Variants in CSAD observed in about 807,000 individuals in gnomAD.
CSAD encodes P-selectin cytoplasmic tail-associated protein.
CSAD carries 47 observed loss-of-function variants against 61.5 expected under a neutral mutation model. The observed-to-expected ratio is 0.76, with a 90% CI of 0.60 to 0.97. CSAD has a LOEUF of 0.97. Among genes scored for constraint, CSAD ranks in the 50% least tolerant of loss-of-function variants. The pLI, the probability that CSAD is intolerant of heterozygous loss-of-function variation, is 0.00. For synonymous variants in CSAD, 245 were observed against 252.7 expected, an observed-to-expected ratio of 0.97 and a Z score of 0.29; for missense variants, 611 against 643.6, an observed-to-expected ratio of 0.95 and a Z score of 0.55.
chr12:53,177,612 T>C (rs1373367501), intron 2 of CSAD, among the ~76,000 whole-genome samples: 1 of 152,080 alleles, frequency 6.6e-6, no homozygotes, highest in Non-Finnish European at 1.5e-5. Flanking sequence ...CAACAAAGCG[T>C]GGAGACCCAT....
chr12:53,160,362 C>CG, intron 13 of CSAD, 43 bp from the exon 14 acceptor site: 1 of 1,587,740 alleles, frequency 6.3e-7, no homozygotes, highest in Non-Finnish European at 8.6e-7. Flanking sequence ...CCCTCTCCAC[C>CG]GAGGCTTTCC....
chr12:53,176,817 C>T (rs1413511196), intron 2 of CSAD, among the ~76,000 whole-genome samples: 1 of 152,172 alleles, frequency 6.6e-6, no homozygotes, highest in Admixed American at 6.5e-5. Flanking sequence ...ACTGCAGCTT[C>T]GAACTCTTGG....
rs1220042996 is a variant in CSAD, at chr12:53,174,030, C to T, written c.-49-260G>A. 1.3e-5 allele frequency: 6 copies of T among 456,172 alleles called. No homozygotes were observed. The East Asian group carries it at 1.7e-4, about 13-fold the overall frequency. 28.3% of individuals were successfully genotyped at this position (456,172 alleles called of 1,614,324 possible). A position where few individuals can be genotyped will look rare whatever the true frequency, so the allele number is the denominator to read the frequency against. On this transcript the variant is annotated intron_variant, in intron 2 of 16. Transcript: ENST00000444623. ...TGTAAAACGGGTCATACAGGCCAGG[C>T]GCAGTGGGTCACGCCTGTAATCCCA...
At chr12:53,173,323 G>A (rs1271882330) in intron 4 of CSAD, 22 bp downstream of exon 4, 1 of 1,600,928 alleles carries the variant, frequency 6.2e-7, no homozygotes, top group Non-Finnish European at 8.6e-7. Context: ...TTGATGGGAA[G>A]GAGGAGGAAG....
chr12:53,174,307 CAAA>C (rs5798236), intron 2 of CSAD, among the ~76,000 whole-genome samples: 4 of 102,920 alleles, frequency 3.9e-5, no homozygotes, highest in African/African-American at 6.4e-5. Context: ...GACTCCATCT[CAAA>C]AAAAAAAAAA....
chr12:53,158,533 T>C lies in CSAD; in HGVS notation c.1460A>G (p.Glu487Gly). The C allele has an allele frequency of 6.2e-7, 1 of 1,613,320 alleles. No individual in the cohort carries two copies. Among genetic ancestry groups the C allele is most frequent in the Non-Finnish European group, 8.5e-7 (1 of 1,179,908 alleles). Reference protein sequence around the residue: ...ADMDFLLNELERLGQDL With the variant: ...ADMDFLLNELGRLGQDL The stretch of plus-strand genomic sequence containing the variant: ...GGCTCACAGGTCCTGGCCTAGCCGC[T>C]CCAGCTCGTTGAGGAGGAAGTCCAT... The change falls in exon 17 of 17, where the codon GAG becomes GGG. Residue 487 changes from glutamate to glycine, a missense_variant. Glu to Gly is a moderately conservative substitution (Grantham distance 98, BLOSUM62 -2). Transcript: ENST00000444623.
chr12:53,171,438 C>A lies in CSAD; in HGVS notation c.455G>T (p.Gly152Val). ...SSGDGIFCPG[G>V]SISNMYAVNL... ...TACAGCATACATGTTGGAGATGGAG[C>A]CACCTGTCACAGGGAGGGGGCGGTG... Residue 152 changes from glycine (G) to valine (V), a missense_variant, in exon 8 of 17, where the codon GGC (glycine) becomes GTC (valine). Physicochemically the swap from Gly to Val is moderately radical, Grantham distance 109. Transcript: ENST00000444623. 6.2e-7 allele frequency: 1 copy of A among 1,613,476 alleles called. No homozygotes were observed. Among genetic ancestry groups the A allele is most frequent in the Non-Finnish European group, 8.5e-7 (1 of 1,179,942 alleles).
At chr12:53,173,895 C>A in intron 2 of CSAD, 125 bp from the exon 3 acceptor site, 4 of 961,246 alleles carry the variant, frequency 4.2e-6, no homozygotes, top group Admixed American at 5.1e-5. Context: ...ACATTTTCAT[C>A]ACCCAAAAAA....
chr12:53,174,689 G>T (rs1263382623), intron 2 of CSAD, among the ~76,000 whole-genome samples: 2 of 152,096 alleles, frequency 1.3e-5, no homozygotes, highest in African/African-American at 4.8e-5. Flanking sequence ...AGCTACTCAG[G>T]AGGCTGAGGC....
intron 6 of CSAD, 116 bp downstream of exon 6, chr12:53,172,230 G>T: frequency 2.0e-6 from 2 of 1,018,426 alleles, no homozygotes; most frequent in Non-Finnish European, 3.1e-6. Context: ...CTGCCGACAG[G>T]GATTCCCAGA....
intron 13 of CSAD, 130 bp downstream of exon 13, chr12:53,160,633 T>C (rs1939169393): frequency 1.2e-6 from 1 of 819,516 alleles, no homozygotes; most frequent in African/African-American, 1.7e-5. Context: ...GTTAGGGTGG[T>C]AGCTGAGATG....
At chr12:53,159,461 C>A (rs900407667) in intron 16 of CSAD, 162 bp downstream of exon 16, 10 of 629,282 alleles carry the variant, frequency 1.6e-5, no homozygotes, top group African/African-American at 3.7e-5. Flanking sequence ...CAGAAACATA[C>A]CTTCCTCCCC....
intron 10 of CSAD, among the ~76,000 whole-genome samples, chr12:53,166,548 A>G (rs1939965366): frequency 6.6e-6 from 1 of 152,088 alleles, no homozygotes; most frequent in African/African-American, 2.4e-5. Flanking sequence ...CTGTAATCCT[A>G]GCATTTTGAG....
chr12:53,172,044 G>T, intron 6 of CSAD, 56 bp from the exon 7 acceptor site: 1 of 1,263,252 alleles, frequency 7.9e-7, no homozygotes, highest in Non-Finnish European at 1.2e-6. Context: ...GCCCAGACAG[G>T]CCCTTAAACT....
intron 2 of CSAD, chr12:53,178,214 T>G: frequency 3.0e-6 from 1 of 338,844 alleles, no homozygotes; most frequent in Non-Finnish European, 5.9e-6. Flanking sequence ...GGCTCAATCC[T>G]GTAATCCTAG....
At position 53,178,401 on chromosome 12, in the gene CSAD, A is replaced by G. The variant is rs142278686; in HGVS notation, c.-50+701T>C. 1.4e-3 allele frequency: 658 copies of G among 455,982 alleles called. 2 individuals are homozygous for G. The highest frequency in any genetic ancestry group is 0.012 in the African/African-American group (597 of 50,132). The allele number at this position is 455,982 out of a possible 1,614,324, so 28.2% of individuals were successfully genotyped here. A position where few individuals can be genotyped will look rare whatever the true frequency, so the allele number is the denominator to read the frequency against. ...CAACTACTTGGGAGGCTAAGATGGG[A>G]GGATTCCTTGAGCCCAGGAGGTTGA... On this transcript the variant is annotated intron_variant, in intron 2 of 16. Transcript: ENST00000444623.
In CSAD at chr12:53,159,487, G is replaced by A. The variant is rs1016019512; in HGVS notation, c.1308+136C>T. The A allele has an allele frequency of 2.2e-5, 15 of 691,974 alleles. No individual in the cohort carries two copies. The East Asian group carries it at 2.2e-4, about 10-fold the overall frequency. 42.9% of individuals were successfully genotyped at this position (691,974 alleles called of 1,614,324 possible). On this transcript the variant is annotated intron_variant, in intron 16 of 16. Transcript: ENST00000444623. The stretch of plus-strand genomic sequence containing the variant: ...CTTCCTCCCCATCCCCACCCCTACC[G>A]AAAAGAGAGCATCCACGCCTCAGAG...
In CSAD at chr12:53,159,946, C is replaced by G; in HGVS notation, c.1167-8G>C. ...ATTTCCTCCACCAGGTACCTGTGAA[C>G]AGAGAGTGAGAAACCATAGGCGGGG... On this transcript the variant is annotated splice_polypyrimidine_tract_variant and splice_region_variant and intron_variant, in intron 14 of 16. Transcript: ENST00000444623. 1 of 1,606,382 alleles carries G rather than the reference C, an allele frequency of 6.2e-7. No individual in the cohort carries two copies. Among genetic ancestry groups the G allele is most frequent in the Non-Finnish European group, 8.5e-7 (1 of 1,175,808 alleles).
At chr12:53,160,443 G>A (rs577072984) in intron 13 of CSAD, 124 bp from the exon 14 acceptor site, 19 of 992,894 alleles carry the variant, frequency 1.9e-5, no homozygotes, top group Non-Finnish European at 2.6e-5. Context: ...TGGCACTGCT[G>A]GGACGGCTGC....
Sources: gnomAD v4.1 joint callset for allele counts (sites outside exome capture counted in the v4.1 genomes callset) on GRCh38, gnomAD v4.1.1 for gene constraint, MANE v1.5 for transcripts, NCBI Gene and HGNC (gene_info 2026-07-23, HGNC 2026-07-21) for gene names.